IGF1R: variants seen among roughly 807,000 people sequenced by gnomAD.
IGF1R encodes insulin-like growth factor 1 receptor.
Under a neutral mutation model 144.6 loss-of-function variants are expected in IGF1R, and 44 were observed. That is an observed-to-expected ratio of 0.30 (90% CI 0.24 to 0.39). The LOEUF is 0.39. IGF1R is among the 10% of genes least tolerant of loss of function. The probability of loss-of-function intolerance (pLI) is 1.00; values close to 1 mark genes in which losing one functional copy is unlikely to be tolerated. For synonymous variants in IGF1R, 795 were observed against 722.8 expected, an observed-to-expected ratio of 1.10 and a Z score of -1.60; for missense variants, 1,355 against 1,833.7, an observed-to-expected ratio of 0.74 and a Z score of 4.77.
At chr15:98,903,558 C>T (rs1205583952) in intron 5 of IGF1R, among the ~76,000 whole-genome samples, 1 of 152,096 alleles carries the variant, frequency 6.6e-6, no homozygotes, top group East Asian at 1.9e-4. Context: ...GAAAACATGC[C>T]CACACAAGAC....
At chr15:98,783,303 C>T (rs1043768925) in intron 2 of IGF1R, among the ~76,000 whole-genome samples, 1 of 152,098 alleles carries the variant, frequency 6.6e-6, no homozygotes, top group African/African-American at 2.4e-5. Flanking sequence ...ACACCTACTT[C>T]CCTTCTATCT....
At chr15:98,708,144 C>A (rs202212533) in intron 2 of IGF1R, 37 bp downstream of exon 2, 59 of 1,534,084 alleles carry the variant, frequency 3.8e-5, no homozygotes, top group Non-Finnish European at 4.9e-5. Context: ...CTCTCTGCCT[C>A]TCTCTCTCCT....
chr15:98,928,886 G>A (rs1269463733), intron 13 of IGF1R, among the ~76,000 whole-genome samples: 2 of 152,120 alleles, frequency 1.3e-5, no homozygotes, highest in Non-Finnish European at 2.9e-5. Flanking sequence ...AGCGGCATTG[G>A]AAAGGGGTGC....
At chr15:98,676,929 TA>T (rs201035422) in intron 1 of IGF1R, among the ~76,000 whole-genome samples, 4 of 152,040 alleles carry the variant, frequency 2.6e-5, no homozygotes, top group South Asian at 4.2e-4. Flanking sequence ...TTTTTTCAAT[TA>T]AAAAAAATTT....
rs911117598 is a variant in IGF1R, at chr15:98,959,769, G to C, written c.*2327G>C. ...TAGTTGTGACTGAAGATTCAACACA[G>C]AAAAGAAAGTTTATACGGCTTTTTT... On this transcript the variant is annotated 3_prime_UTR_variant, in exon 21 of 21. Coordinates refer to ENST00000650285, the MANE Select transcript of IGF1R (RefSeq NM_000875.5). 1 of 233,074 alleles carries C rather than the reference G, an allele frequency of 4.3e-6. No individual in the cohort carries two copies. 14.4% of individuals were successfully genotyped at this position (233,074 alleles called of 1,614,324 possible). A position where few individuals can be genotyped will look rare whatever the true frequency, so the allele number is the denominator to read the frequency against.
Position 98,707,543 on chromosome 15 carries a change from C to T in IGF1R, c.95-19C>T, listed in dbSNP as rs754690558. On this transcript the variant is annotated intron_variant, in intron 1 of 20. Coordinates refer to ENST00000650285, the MANE Select transcript of IGF1R (RefSeq NM_000875.5). The surrounding 1 kb of genome is among the most constrained non-coding windows in gnomAD (Gnocchi z 6.7). ...TATTTCCTTCTAACTGAGACGTTTA[C>T]CCTCTTGTCTCCCTTCAGTCTGCGG... 1 of 1,613,192 alleles carries T rather than the reference C, an allele frequency of 6.2e-7. No homozygotes were observed. Among genetic ancestry groups the T allele is most frequent in the Non-Finnish European group, 8.5e-7 (1 of 1,179,200 alleles).
Position 98,964,131 on chromosome 15 carries a change from TAAA to T in IGF1R, c.*6695_*6697del, listed in dbSNP as rs558651448. 4.3e-6 allele frequency: 1 copy of T among 232,018 alleles called. No individual in the cohort carries two copies. The highest frequency in any genetic ancestry group is 6.1e-5 in the East Asian group (1 of 16,392). The allele number at this position is 232,018 out of a possible 1,614,324, so 14.4% of individuals were successfully genotyped here. A position where few individuals can be genotyped will look rare whatever the true frequency, so the allele number is the denominator to read the frequency against. ...CCTCTGGGTATCCCTTTGTCTGGGA[TAAA>T]AAAAATCAAACCAGAAGGCGGGATG... is the stretch of plus-strand genomic sequence containing the variant. On this transcript the variant is annotated 3_prime_UTR_variant, in exon 21 of 21. Coordinates refer to ENST00000650285, the MANE Select transcript of IGF1R (RefSeq NM_000875.5).
At chr15:98,828,733 T>G (rs1177009587) in intron 2 of IGF1R, among the ~76,000 whole-genome samples, 1 of 152,060 alleles carries the variant, frequency 6.6e-6, no homozygotes, top group Non-Finnish European at 1.5e-5. Context: ...AAACGAATAT[T>G]TTTCTGATAC....
chr15:98,722,843 C>T (rs1011703256), intron 2 of IGF1R, among the ~76,000 whole-genome samples: 3 of 151,988 alleles, frequency 2.0e-5, no homozygotes, highest in African/African-American at 4.8e-5. Context: ...CTGAGTGCCC[C>T]GAGTTTCCTG....
intron 2 of IGF1R, among the ~76,000 whole-genome samples, chr15:98,733,789 A>G (rs2054551129): frequency 6.6e-6 from 1 of 152,192 alleles, no homozygotes; most frequent in South Asian, 2.1e-4. Context: ...GGGATCCCAA[A>G]TAATCTACTG....
chr15:98,853,300 A>G lies in IGF1R; in HGVS notation c.641-38025A>G, dbSNP rs184338226. Among the ~76,000 whole-genome samples, 49 of 152,236 alleles carry G rather than the reference A, an allele frequency of 3.2e-4. 1 individual carries two copies. In the South Asian group the frequency reaches 7.1e-3, roughly 22 times the overall value. Reference sequence around the variant, plus strand: ...CAGGTTTCCCATTTCCAGCAGTACAATGTGGTTGTATTCAGTGTGATAGGG... The same window carrying G: ...CAGGTTTCCCATTTCCAGCAGTACAGTGTGGTTGTATTCAGTGTGATAGGG... On this transcript the variant is annotated intron_variant, in intron 2 of 20. Coordinates refer to ENST00000650285, the MANE Select transcript of IGF1R (RefSeq NM_000875.5).
intron 2 of IGF1R, among the ~76,000 whole-genome samples, chr15:98,833,117 T>A (rs1464781161): frequency 2.6e-5 from 4 of 152,172 alleles, no homozygotes; most frequent in African/African-American, 4.8e-5. Flanking sequence ...CCTGGTACCC[T>A]CTCCTGAACT....
intron 2 of IGF1R, among the ~76,000 whole-genome samples, chr15:98,828,075 T>A (rs2141493822): frequency 6.6e-6 from 1 of 152,328 alleles, no homozygotes. Flanking sequence ...TAGGGAGAGA[T>A]TCCCGCTGGG....
intron 2 of IGF1R, among the ~76,000 whole-genome samples, chr15:98,887,190 C>T (rs998880515): frequency 6.6e-6 from 1 of 152,170 alleles, no homozygotes; most frequent in African/African-American, 2.4e-5. Context: ...ACTTCCCCAG[C>T]CTGTGTATCG....
chr15:98,733,673 T>C (rs2054547775), intron 2 of IGF1R, among the ~76,000 whole-genome samples: 1 of 152,106 alleles, frequency 6.6e-6, no homozygotes, highest in African/African-American at 2.4e-5. Context: ...GACTACCTGA[T>C]GAAGATGAGA....
chr15:98,651,678 A>G (rs2052372129), intron 1 of IGF1R, among the ~76,000 whole-genome samples: 1 of 152,146 alleles, frequency 6.6e-6, no homozygotes, highest in Non-Finnish European at 1.5e-5. Context: ...TTTGTGCAAG[A>G]CGGCGATTTT....
chr15:98,696,037 T>C (rs922590775), intron 1 of IGF1R, among the ~76,000 whole-genome samples: 1 of 151,470 alleles, frequency 6.6e-6, no homozygotes, highest in African/African-American at 2.4e-5. Context: ...TTTTTTTTTT[T>C]TTTTTTTGGC....
At chr15:98,884,880 T>C (rs765291624) in intron 2 of IGF1R, among the ~76,000 whole-genome samples, 4 of 152,100 alleles carry the variant, frequency 2.6e-5, no homozygotes, top group Non-Finnish European at 5.9e-5. Context: ...CTCCTATTGC[T>C]GGATTAAAAG....
intron 2 of IGF1R, among the ~76,000 whole-genome samples, chr15:98,803,981 G>A (rs1311384322): frequency 6.6e-6 from 1 of 152,168 alleles, no homozygotes; most frequent in Non-Finnish European, 1.5e-5. Context: ...GTTTGCACCA[G>A]CATCCCCACA....
Sources: allele counts gnomAD v4.1 joint callset (sites outside exome capture counted in the v4.1 genomes callset), GRCh38; gene constraint gnomAD v4.1.1; non-coding constraint Gnocchi (gnomAD v3.1); transcripts MANE v1.5; gene names NCBI Gene and HGNC (gene_info 2026-07-23, HGNC 2026-07-21).